Variants in SEC23IP observed in about 807,000 individuals in gnomAD.
SEC23IP encodes SEC23-interacting protein.
A neutral mutation model predicts 113.4 loss-of-function variants in SEC23IP; 70 were observed. That is an observed-to-expected ratio of 0.62 (90% confidence interval 0.51 to 0.75). The LOEUF (loss-of-function observed/expected upper bound fraction) is 0.75, where lower values mean the gene tolerates loss of function less well. SEC23IP is among the 30% of genes least tolerant of loss of function. The probability of loss-of-function intolerance (pLI) is 0.00; values close to 1 mark genes in which losing one functional copy is unlikely to be tolerated. For synonymous variants in SEC23IP, 398 were observed against 421.0 expected (o/e 0.95, Z 0.67); for missense variants, 1,160 against 1,204.9 (o/e 0.96, Z 0.55).
intron 18 of SEC23IP, among the ~76,000 whole-genome samples, chr10:119,939,020 C>T (rs76278409): frequency 6.6e-6 from 1 of 152,044 alleles, no homozygotes; most frequent in East Asian, 1.9e-4. Flanking sequence ...TTTGAAAAGC[C>T]TCAAATTGGC....
chr10:119,928,978 A>G (rs1199333381), intron 13 of SEC23IP, among the ~76,000 whole-genome samples: 1 of 152,228 alleles, frequency 6.6e-6, no homozygotes, highest in Non-Finnish European at 1.5e-5. Context: ...TGGCATTGTT[A>G]TAATCCCCAT....
At chr10:119,905,010 A>G (rs1048133032) in intron 4 of SEC23IP, among the ~76,000 whole-genome samples, 6 of 152,044 alleles carry the variant, frequency 3.9e-5, no homozygotes, top group African/African-American at 1.4e-4. Flanking sequence ...GGCACACGCT[A>G]GTAGTCCGAG....
chr10:119,898,483 A>T lies in SEC23IP; in HGVS notation c.220A>T (p.Thr74Ser). The change falls in exon 2 of 19, where the codon ACA (threonine) becomes TCA (serine). Residue 74 changes from threonine to serine, a missense_variant. Coordinates refer to ENST00000369075, the MANE Select transcript of SEC23IP (RefSeq NM_007190.4). ...CTTCCTTGGTCAGACTTCTATTCAC[A>T]CATCTGCCCCACAGACATTTAGTTA... ...DSFLGQTSIH[T>S]SAPQTFSYFS... 6.2e-7 allele frequency: 1 copy of T among 1,614,138 alleles called. No individual in the cohort carries two copies.
At chr10:119,916,908 C>G (rs1261757401) in intron 8 of SEC23IP, among the ~76,000 whole-genome samples, 3 of 152,136 alleles carry the variant, frequency 2.0e-5, no homozygotes, top group Non-Finnish European at 4.4e-5. Context: ...TCACTGTCAC[C>G]CAGGCTCTGG....
intron 7 of SEC23IP, 22 bp from the exon 8 acceptor site, chr10:119,915,726 C>CTTT (rs398046283): frequency 2.4e-3 from 2,732 of 1,154,638 alleles, no homozygotes; most frequent in South Asian, 0.014. Flanking sequence ...TTTATTTTCT[C>CTTT]TTTTTTTTTT....
chr10:119,915,324 C>T (rs1425575818), intron 7 of SEC23IP, among the ~76,000 whole-genome samples: 7 of 151,968 alleles, frequency 4.6e-5, no homozygotes, highest in African/African-American at 1.5e-4. Context: ...GTTATCGCCA[C>T]TACTGTGACT....
chr10:119,917,786 A>C (rs1169898216), intron 8 of SEC23IP, 50 bp from the exon 9 acceptor site: 2 of 1,415,458 alleles, frequency 1.4e-6, no homozygotes, highest in African/African-American at 2.9e-5. Context: ...AAAATCTGTA[A>C]ATTTAAGGTA....
At chr10:119,935,010 G>C (rs1194130432) in intron 18 of SEC23IP, among the ~76,000 whole-genome samples, 1 of 152,130 alleles carries the variant, frequency 6.6e-6, no homozygotes, top group African/African-American at 2.4e-5. Flanking sequence ...GGTGGCGGGT[G>C]CCTGTAGTTG....
At chr10:119,922,706 A>G (rs1361025401) in intron 12 of SEC23IP, among the ~76,000 whole-genome samples, 2 of 152,198 alleles carry the variant, frequency 1.3e-5, no homozygotes, top group African/African-American at 4.8e-5. Context: ...ATAGACAAGC[A>G]GTATTTGATT....
chr10:119,900,619 G>T (rs974950947), intron 2 of SEC23IP, among the ~76,000 whole-genome samples: 7 of 151,882 alleles, frequency 4.6e-5, no homozygotes. Flanking sequence ...TTGAGACTGG[G>T]TCTCACTCTG....
chr10:119,936,681 C>T (rs1032412922), intron 18 of SEC23IP, among the ~76,000 whole-genome samples: 1 of 151,190 alleles, frequency 6.6e-6, no homozygotes, highest in Non-Finnish European at 1.5e-5. Flanking sequence ...CTGGGTATTA[C>T]TGATTAAAAA....
chr10:119,924,839 G>T (rs1482567813), intron 12 of SEC23IP, among the ~76,000 whole-genome samples: 3 of 152,058 alleles, frequency 2.0e-5, no homozygotes, highest in Non-Finnish European at 2.9e-5. Flanking sequence ...GTGCAGTGGC[G>T]CACGCATGGC....
In SEC23IP at chr10:119,933,221, G is replaced by A. The variant is rs1486650697; in HGVS notation, c.2921+54G>A. ...GAGTGGGCTTTTGGTGCTAGCACGT[G>A]CAGCAATTTTAGTTTTAGTGAGATT... On this transcript the variant is annotated intron_variant, in intron 17 of 18. Coordinates refer to ENST00000369075, the MANE Select transcript of SEC23IP (RefSeq NM_007190.4). 2.0e-6 allele frequency: 3 copies of A among 1,475,610 alleles called. No individual in the cohort carries two copies. The African/African-American group carries it at 4.2e-5, about 21-fold the overall frequency. 91.4% of individuals were successfully genotyped at this position (1,475,610 alleles called of 1,614,324 possible).
rs781497683 is a variant in SEC23IP, at chr10:119,892,923, G to A, written c.141G>A (p.Pro47=). ...CAGTCACCCAGGCCTCCGCTTCTCC[G>A]GCCTCCCTGCTCTTACCGGGAGGTA... The part of the protein sequence containing the change: ...FIPVTQASAS[P]ASLLLPGEDS... Residue 47 remains proline, a synonymous_variant, in exon 1 of 19, where the codon CCG becomes CCA. Coordinates refer to ENST00000369075, the MANE Select transcript of SEC23IP (RefSeq NM_007190.4). 5.0e-6 allele frequency: 8 copies of A among 1,612,970 alleles called. No homozygotes were observed. In the Admixed American group the frequency reaches 6.7e-5, roughly 13 times the overall value.
rs1855968174 is a variant in SEC23IP at position 119,941,638 on chromosome 10, G to T, written c.*1073G>T. ...TGTTTACATAGTTCTCATGGAACAT[G>T]GAAATTTTTGAAAGTGATATATGAT... On this transcript the variant is annotated 3_prime_UTR_variant, in exon 19 of 19. Transcript: ENST00000369075. The T allele has an allele frequency of 6.6e-6, 1 of 152,608 alleles. No individual in the cohort carries two copies. Among genetic ancestry groups the T allele is most frequent in the South Asian group, 2.1e-4 (1 of 4,820 alleles). 9.5% of individuals were successfully genotyped at this position (152,608 alleles called of 1,614,324 possible). A position where few individuals can be genotyped will look rare whatever the true frequency, so the allele number is the denominator to read the frequency against.
In SEC23IP at chr10:119,912,027, T is replaced by G; in HGVS notation, c.1192-17T>G. ...ATTTGTTAATGAGCTTTGTCATAATTCTGTTGCATCTTGAAGGTTATTGTT... is the reference window on the plus strand; with the variant it reads ...ATTTGTTAATGAGCTTTGTCATAATGCTGTTGCATCTTGAAGGTTATTGTT... On this transcript the variant is annotated splice_polypyrimidine_tract_variant and intron_variant, in intron 5 of 18. Coordinates refer to ENST00000369075, the MANE Select transcript of SEC23IP (RefSeq NM_007190.4). The G allele has an allele frequency of 6.2e-7, 1 of 1,613,434 alleles. No individual in the cohort carries two copies. The highest frequency in any genetic ancestry group is 8.5e-7 in the Non-Finnish European group (1 of 1,179,686).
At chr10:119,918,260 GATAAA>G (rs1160559226) in intron 9 of SEC23IP, 128 bp from the exon 10 acceptor site, 2 of 685,714 alleles carry the variant, frequency 2.9e-6, no homozygotes, top group South Asian at 1.9e-5. Context: ...TCTGCTGTTT[GATAAA>G]ATAATTAATT....
chr10:119,902,885 A>G lies in SEC23IP; in HGVS notation c.783A>G (p.Leu261=), dbSNP rs377533992. 163 of 1,614,002 alleles carry G rather than the reference A, an allele frequency of 1.0e-4. No individual in the cohort carries two copies. Among genetic ancestry groups the G allele is most frequent in the African/African-American group, 1.3e-5 (1 of 74,908 alleles). ...CTGTTCAAGTGCCATCTCCTTTTCT[A>G]CTTCAAAACCAATATGAGCCTGTTC... ...APSVQVPSPF[L]LQNQYEPVQP... is the part of the protein sequence containing the mutation. The change falls in exon 3 of 19, where the codon CTA becomes CTG. Residue 261 remains leucine, a synonymous_variant. Transcript: ENST00000369075.
intron 12 of SEC23IP, among the ~76,000 whole-genome samples, chr10:119,923,402 G>A (rs186541869): frequency 5.3e-5 from 8 of 151,758 alleles, no homozygotes; most frequent in East Asian, 3.9e-4. Flanking sequence ...CAAAATTAGC[G>A]ATTATTTTAT....
Sources: gnomAD v4.1 joint callset for allele counts (sites outside exome capture counted in the v4.1 genomes callset) on GRCh38, gnomAD v4.1.1 for gene constraint, MANE v1.5 for transcripts, NCBI Gene and HGNC (gene_info 2026-07-23, HGNC 2026-07-21) for gene names.